The following LRMDA variants were observed in gnomAD, a reference collection of about 807,000 sequenced individuals.
LRMDA encodes the protein leucine rich melanocyte differentiation associated.
A neutral mutation model predicts 29.8 loss-of-function variants in LRMDA; 18 were observed. The ratio of observed to expected loss-of-function variants is 0.60; its 90% CI spans 0.42 to 0.90. The LOEUF (loss-of-function observed/expected upper bound fraction) is 0.90, where lower values mean the gene tolerates loss of function less well. LRMDA is among the 40% of genes least tolerant of loss of function. The pLI is 0.00. For synonymous variants in LRMDA, 125 were observed against 109.4 expected, an observed-to-expected ratio of 1.14 and a Z score of -0.89; for missense variants, 273 against 273.9, an observed-to-expected ratio of 1.00 and a Z score of 0.02.
chr10:75,605,880 C>T (rs745872765), intron 2 of LRMDA, among the ~76,000 whole-genome samples: 13 of 152,198 alleles, frequency 8.5e-5, no homozygotes, highest in Non-Finnish European at 1.5e-4. Context: ...CTTTTTGAGA[C>T]GGGGTCTTGC....
chr10:76,481,361 G>A (rs575930932), intron 6 of LRMDA, among the ~76,000 whole-genome samples: 246 of 151,882 alleles, frequency 1.6e-3, no homozygotes, highest in Non-Finnish European at 3.0e-3. Context: ...TTCCTTTGAT[G>A]AATGAACTCA....
chr10:75,856,172 T>C (rs1414105251), intron 2 of LRMDA, among the ~76,000 whole-genome samples: 3 of 152,144 alleles, frequency 2.0e-5, no homozygotes, highest in Admixed American at 6.5e-5. Context: ...GCCATTTTCA[T>C]GATATTGATT....
intron 2 of LRMDA, among the ~76,000 whole-genome samples, chr10:75,818,303 T>G (rs1844095489): frequency 6.6e-6 from 1 of 152,174 alleles, no homozygotes; most frequent in South Asian, 2.1e-4. Context: ...CAGGTCATCT[T>G]GCCCCATCAC....
At chr10:75,754,939 T>G (rs1843013043) in intron 2 of LRMDA, among the ~76,000 whole-genome samples, 1 of 152,172 alleles carries the variant, frequency 6.6e-6, no homozygotes, top group Non-Finnish European at 1.5e-5. Flanking sequence ...TGGAAAACAG[T>G]CTTGTGTATC....
intron 6 of LRMDA, among the ~76,000 whole-genome samples, chr10:76,553,694 A>G (rs1191531438): frequency 1.3e-5 from 2 of 152,144 alleles, no homozygotes; most frequent in African/African-American, 2.4e-5. Context: ...TTTGAACACA[A>G]AAGTCACATA....
chr10:76,479,060 A>G (rs189085949), intron 6 of LRMDA, among the ~76,000 whole-genome samples: 106 of 151,666 alleles, frequency 7.0e-4, no homozygotes, highest in African/African-American at 2.5e-3. Flanking sequence ...AAATATATAT[A>G]TAAATAAAAA....
At chr10:75,782,850 A>T in intron 2 of LRMDA, 2 of 1,527,794 alleles carry the variant, frequency 1.3e-6, no homozygotes, top group Non-Finnish European at 1.8e-6. Context: ...TTTTAGTTTT[A>T]TTCTTTTTCC....
At chr10:76,356,333 T>A (rs1403989177) in intron 6 of LRMDA, among the ~76,000 whole-genome samples, 1 of 152,198 alleles carries the variant, frequency 6.6e-6, no homozygotes, top group Admixed American at 6.5e-5. Flanking sequence ...TGTCAAAGTT[T>A]ATTTAGCGAA....
chr10:76,149,343 C>T (rs934439849), intron 5 of LRMDA, among the ~76,000 whole-genome samples: 1 of 152,164 alleles, frequency 6.6e-6, no homozygotes, highest in South Asian at 2.1e-4. Flanking sequence ...GGTCTTGAAT[C>T]AGGAGAGTCA....
At chr10:76,193,722 G>A (rs1406419147) in intron 5 of LRMDA, among the ~76,000 whole-genome samples, 1 of 152,108 alleles carries the variant, frequency 6.6e-6, no homozygotes, top group East Asian at 1.9e-4. Context: ...TGTCTGCAAT[G>A]TGCCAGTCAC....
chr10:75,927,112 A>G (rs1846132236), intron 2 of LRMDA, among the ~76,000 whole-genome samples: 1 of 152,202 alleles, frequency 6.6e-6, no homozygotes, highest in Admixed American at 6.5e-5. Context: ...GAGCTTAACT[A>G]GCCTTTTCAG....
intron 6 of LRMDA, among the ~76,000 whole-genome samples, chr10:76,479,626 T>C (rs1303404034): frequency 6.6e-6 from 1 of 151,904 alleles, no homozygotes; most frequent in Non-Finnish European, 1.5e-5. Context: ...TGCTAAGTCA[T>C]GGTTGAACTC....
At chr10:76,235,645 G>A (rs1321008191) in intron 5 of LRMDA, among the ~76,000 whole-genome samples, 1 of 152,128 alleles carries the variant, frequency 6.6e-6, no homozygotes, top group Non-Finnish European at 1.5e-5. Flanking sequence ...AATTGTCCCT[G>A]GCTGATAAGA....
rs529762621 is a variant in LRMDA, at chr10:76,523,913, T to C, written c.602-33296T>C. On this transcript the variant is annotated intron_variant, in intron 6 of 6. Coordinates refer to ENST00000611255, the MANE Select transcript of LRMDA (RefSeq NM_001305581.2). Reference sequence around the variant, plus strand: ...CAAATTTCAGAATCTGTTCTCAGCCTGTGCCGAGTGAAAAATGGCCTGCAT... The same window carrying C: ...CAAATTTCAGAATCTGTTCTCAGCCCGTGCCGAGTGAAAAATGGCCTGCAT... Among the ~76,000 whole-genome samples the C allele has an allele frequency of 7.2e-5, 11 of 152,346 alleles. No homozygotes were observed. The South Asian group carries it at 2.3e-3, about 32-fold the overall frequency.
chr10:75,888,582 A>C (rs1288911070), intron 2 of LRMDA, among the ~76,000 whole-genome samples: 3 of 152,206 alleles, frequency 2.0e-5, no homozygotes, highest in Non-Finnish European at 4.4e-5. Flanking sequence ...AAGAAGAAGG[A>C]GATTAGCACG....
chr10:75,775,077 G>A (rs920690277), intron 2 of LRMDA, among the ~76,000 whole-genome samples: 8 of 152,176 alleles, frequency 5.3e-5, no homozygotes, highest in African/African-American at 1.4e-4. Context: ...TCACAGAAGT[G>A]GATTGTTCTT....
At chr10:76,127,859 A>T (rs1367384965) in intron 5 of LRMDA, among the ~76,000 whole-genome samples, 1 of 152,218 alleles carries the variant, frequency 6.6e-6, no homozygotes, top group Non-Finnish European at 1.5e-5. Flanking sequence ...CCATATGCAA[A>T]AGAAAAGACC....
chr10:76,230,434 A>G (rs1025374659), intron 5 of LRMDA, among the ~76,000 whole-genome samples: 1 of 152,136 alleles, frequency 6.6e-6, no homozygotes, highest in African/African-American at 2.4e-5. Context: ...AAAAATGAGT[A>G]AACACTATTA....
Position 76,137,392 on chromosome 10 carries a change from G to A in LRMDA, c.516+78609G>A, listed in dbSNP as rs1850114913. Reference sequence around the variant, plus strand: ...CTTGATGAGGTCTTACTTAATGATAGCCTCCAATTATTCACCAAGACGAGG... The same window carrying A: ...CTTGATGAGGTCTTACTTAATGATAACCTCCAATTATTCACCAAGACGAGG... On this transcript the variant is annotated intron_variant, in intron 5 of 6. Transcript: ENST00000611255. Among the ~76,000 whole-genome samples, 4 of 152,110 alleles carry A rather than the reference G, an allele frequency of 2.6e-5. No individual in the cohort carries two copies. The South Asian group carries it at 8.3e-4, about 31-fold the overall frequency.
Sources: allele counts gnomAD v4.1 joint callset (sites outside exome capture counted in the v4.1 genomes callset), GRCh38; gene constraint gnomAD v4.1.1; transcripts MANE v1.5; gene names NCBI Gene and HGNC (gene_info 2026-07-23, HGNC 2026-07-21).